The following EEIG2 variants were observed in gnomAD, a reference collection of about 807,000 sequenced individuals.
The protein encoded by EEIG2 is EEIG family member 2, also known as family with sequence similarity 102 member B.
chr1:108,634,982 A>G, the EEIG2 span: 1 of 827,906 alleles, frequency 1.2e-6, no homozygotes, highest in Non-Finnish European at 2.0e-6. Flanking sequence ...ATGCCTTTAA[A>G]CGTTATGGAA....
the EEIG2 span, among the ~76,000 whole-genome samples, chr1:108,632,859 G>A: frequency 1.3e-5 from 2 of 151,692 alleles, no homozygotes; most frequent in Non-Finnish European, 2.9e-5. Flanking sequence ...GCTGGAGTGC[G>A]GCACAATCTC....
At chr1:108,635,214 A>G in the EEIG2 span, 1 of 1,587,984 alleles carries the variant, frequency 6.3e-7, no homozygotes, top group African/African-American at 1.3e-5. Flanking sequence ...GTATCAAGGC[A>G]TTTTATTCAA....
the EEIG2 span, among the ~76,000 whole-genome samples, chr1:108,579,529 A>C: frequency 9.5e-5 from 14 of 147,916 alleles, 2 homozygotes; most frequent in African/African-American, 3.5e-4. Context: ...TAGACAGATC[A>C]ACGAGACAGA....
the EEIG2 span, among the ~76,000 whole-genome samples, chr1:108,582,146 A>G: frequency 1.3e-5 from 2 of 152,310 alleles, no homozygotes; most frequent in East Asian, 1.9e-4. Context: ...ATTAAGGTAT[A>G]TACATTTTTT....
chr1:108,573,312 C>A, the EEIG2 span, among the ~76,000 whole-genome samples: 6 of 152,212 alleles, frequency 3.9e-5, no homozygotes, highest in Non-Finnish European at 7.3e-5. Flanking sequence ...AAGATTCCTG[C>A]CGATTCATCC....
At chr1:108,624,444 A>C in the EEIG2 span, among the ~76,000 whole-genome samples, 3 of 108,136 alleles carry the variant, frequency 2.8e-5, no homozygotes, top group Non-Finnish European at 6.2e-5. Flanking sequence ...AAAAAAAAAA[A>C]AAAAACCCTT....
chr1:108,614,190 T>TGA, the EEIG2 span, among the ~76,000 whole-genome samples: 1 of 115,582 alleles, frequency 8.7e-6, no homozygotes, highest in African/African-American at 3.3e-5. Context: ...GGCAACATAG[T>TGA]GAGAACCCCA....
At chr1:108,604,735 G>A in the EEIG2 span, among the ~76,000 whole-genome samples, 9 of 151,920 alleles carry the variant, frequency 5.9e-5, no homozygotes, top group African/African-American at 2.2e-4. Flanking sequence ...AATCTGAAGA[G>A]CTATTATAAA....
the EEIG2 span, among the ~76,000 whole-genome samples, chr1:108,610,709 T>A: frequency 6.6e-6 from 1 of 152,026 alleles, no homozygotes; most frequent in Admixed American, 6.6e-5. Flanking sequence ...GGCAGGCGGA[T>A]CACGAGGTCA....
At chr1:108,606,273 C>A in the EEIG2 span, 1 of 1,529,522 alleles carries the variant, frequency 6.5e-7, no homozygotes. Flanking sequence ...GTTCTTTTAA[C>A]TGTTTTGGAA....
chr1:108,566,818 G>T, the EEIG2 span, among the ~76,000 whole-genome samples: 2 of 152,144 alleles, frequency 1.3e-5, no homozygotes, highest in African/African-American at 4.8e-5. Flanking sequence ...ATATATGTGG[G>T]ATATAAAAAA....
At chr1:108,628,067 T>C in the EEIG2 span, 2 of 966,698 alleles carry the variant, frequency 2.1e-6, no homozygotes, top group South Asian at 3.0e-5. Context: ...ATTGTTTTGA[T>C]AATGAACTTG....
chr1:108,613,129 A>C, the EEIG2 span, among the ~76,000 whole-genome samples: 5 of 152,262 alleles, frequency 3.3e-5, no homozygotes, highest in African/African-American at 1.2e-4. Flanking sequence ...AAGGTGGGAC[A>C]GCGAGTTGAT....
At chr1:108,628,704 A>G in the EEIG2 span, 1 of 1,612,634 alleles carries the variant, frequency 6.2e-7, no homozygotes, top group South Asian at 1.1e-5. Context: ...ATTCTGTAGA[A>G]TCTCAGCTGA....
chr1:108,623,670 T>TA, the EEIG2 span, among the ~76,000 whole-genome samples: 18 of 152,100 alleles, frequency 1.2e-4, no homozygotes, highest in African/African-American at 3.9e-4. Context: ...TCTACAAAAA[T>TA]AAAAAAATAT....
At chr1:108,610,851 G>A in the EEIG2 span, among the ~76,000 whole-genome samples, 2 of 152,068 alleles carry the variant, frequency 1.3e-5, no homozygotes, top group African/African-American at 2.4e-5. Flanking sequence ...GGAGAATGGC[G>A]TGAAGCTGGG....
At chr1:108,616,520 A>G in the EEIG2 span, 2 of 838,296 alleles carry the variant, frequency 2.4e-6, no homozygotes, top group Non-Finnish European at 3.8e-6. Context: ...TGTAGTGCTT[A>G]TAAGAAAATA....
the EEIG2 span, chr1:108,616,429 G>A: frequency 5.7e-6 from 9 of 1,575,102 alleles, no homozygotes; most frequent in Admixed American, 1.2e-4. Context: ...GTTTTAAAAC[G>A]TAAGTTGATA....
chr1:108,628,199 G>A, the EEIG2 span: 58 of 1,614,004 alleles, frequency 3.6e-5, no homozygotes, highest in East Asian at 1.0e-3. Flanking sequence ...TGTTCCAGAC[G>A]AACTTGGTGC....
Sources: gnomAD v4.1 joint callset for allele counts (sites outside exome capture counted in the v4.1 genomes callset) on GRCh38, gnomAD v4.1.1 for gene constraint, MANE v1.5 for transcripts, NCBI Gene and HGNC (gene_info 2026-07-23, HGNC 2026-07-21) for gene names.